DOCK7: variants seen among roughly 807,000 people sequenced by gnomAD.
The protein encoded by DOCK7 is dedicator of cytokinesis 7.
DOCK7 carries 138 observed loss-of-function variants against 271.0 expected under a neutral mutation model. That is an observed-to-expected ratio of 0.51 (90% CI 0.44 to 0.59). The LOEUF (loss-of-function observed/expected upper bound fraction) is 0.59. Ranked by LOEUF, DOCK7 falls within the 20% of genes least tolerant of loss-of-function variation. DOCK7 has a pLI of 0.00. For missense variants in DOCK7, 2,066 were observed against 2,592.4 expected (o/e 0.80, Z 4.41); for synonymous variants, 823 against 876.1 (o/e 0.94, Z 1.07).
At chr1:62,521,042 A>G (rs200759256) in intron 31 of DOCK7, among the ~76,000 whole-genome samples, 1 of 149,454 alleles carries the variant, frequency 6.7e-6, no homozygotes, top group East Asian at 2.1e-4. Context: ...CATAGGTGGG[A>G]GTCGAACAAT....
At chr1:62,459,352 G>A (rs1175315916) in intron 48 of DOCK7, among the ~76,000 whole-genome samples, 2 of 150,706 alleles carry the variant, frequency 1.3e-5, no homozygotes, top group Admixed American at 6.6e-5. Flanking sequence ...AGTGATTCTC[G>A]TATTTAGCCA....
rs1312342126 is a variant in DOCK7 at position 62,687,373 on chromosome 1, TCAATCACTTGCTTTACTTCAAGACTG to T, written c.38+828_38+853del. Among the ~76,000 whole-genome samples, 17 of 152,362 alleles carry T rather than the reference TCAATCACTTGCTTTACTTCAAGACTG, an allele frequency of 1.1e-4. No individual in the cohort carries two copies. In the South Asian group the frequency reaches 2.5e-3, roughly 22 times the overall value. On this transcript the variant is annotated intron_variant, in intron 1 of 49. Coordinates refer to ENST00000635253, the MANE Select transcript of DOCK7 (RefSeq NM_001367561.1). ...GGTGAAAGGCTTTGAAACCTCCACC[TCAATCACTTGCTTTACTTCAAGACTG>T]CAATCACTTGCTTTACTTCAAGACT...
At chr1:62,604,943 ACTGT>A (rs1249049442) in intron 14 of DOCK7, 5 of 964,022 alleles carry the variant, frequency 5.2e-6, no homozygotes, top group Admixed American at 2.2e-5. Context: ...TCTTAAAGTC[ACTGT>A]CTATTTAAGA....
chr1:62,649,982 GCTCACAC>G (rs1344149116), intron 4 of DOCK7, among the ~76,000 whole-genome samples: 1 of 152,160 alleles, frequency 6.6e-6, no homozygotes, highest in Non-Finnish European at 1.5e-5. Flanking sequence ...GAGCATGGTG[GCTCACAC>G]CTGTAATCCC....
intron 37 of DOCK7, among the ~76,000 whole-genome samples, chr1:62,499,374 G>A (rs1646713852): frequency 6.6e-6 from 1 of 152,078 alleles, no homozygotes; most frequent in African/African-American, 2.4e-5. Flanking sequence ...AATAAAAGAT[G>A]GGGGAATAGA....
chr1:62,491,900 T>C (rs1646477250), intron 41 of DOCK7, among the ~76,000 whole-genome samples: 1 of 152,166 alleles, frequency 6.6e-6, no homozygotes, highest in East Asian at 1.9e-4. Context: ...TGCTGGTTAA[T>C]AAACAAGCAA....
chr1:62,643,293 A>C (rs1363179050), intron 7 of DOCK7, among the ~76,000 whole-genome samples: 2 of 152,260 alleles, frequency 1.3e-5, no homozygotes, highest in African/African-American at 4.8e-5. Context: ...GAAATACTGA[A>C]CATTTGTTTT....
At chr1:62,592,385 G>A (rs978769090) in intron 14 of DOCK7, among the ~76,000 whole-genome samples, 2 of 152,000 alleles carry the variant, frequency 1.3e-5, no homozygotes, top group African/African-American at 4.8e-5. Context: ...AATACTAGAA[G>A]AGCTTTAAAG....
intron 22 of DOCK7, among the ~76,000 whole-genome samples, chr1:62,548,166 A>G (rs1248717545): frequency 6.6e-6 from 1 of 152,046 alleles, no homozygotes. Context: ...AAAAATCAAC[A>G]TAAGAATAAT....
intron 35 of DOCK7, among the ~76,000 whole-genome samples, chr1:62,506,140 G>C (rs1010505318): frequency 1.3e-5 from 2 of 152,072 alleles, no homozygotes; most frequent in East Asian, 3.9e-4. Context: ...AAAATAACTA[G>C]AGATAAGGCT....
At chr1:62,466,449 CA>C (rs1645680475) in intron 48 of DOCK7, among the ~76,000 whole-genome samples, 1 of 152,108 alleles carries the variant, frequency 6.6e-6, no homozygotes. Flanking sequence ...GGTTGAACAA[CA>C]AAAAGGTCTG....
intron 31 of DOCK7, among the ~76,000 whole-genome samples, chr1:62,519,332 A>C (rs1352873934): frequency 6.6e-6 from 1 of 152,190 alleles, no homozygotes; most frequent in Non-Finnish European, 1.5e-5. Flanking sequence ...AATACATGAG[A>C]TATTTACAAA....
intron 1 of DOCK7, among the ~76,000 whole-genome samples, chr1:62,685,033 A>G (rs954333107): frequency 3.9e-5 from 6 of 152,244 alleles, no homozygotes; most frequent in Non-Finnish European, 7.3e-5. Context: ...CAAATTTCAT[A>G]TACGAACACT....
chr1:62,563,580 A>G (rs1179622813), intron 18 of DOCK7, among the ~76,000 whole-genome samples: 20 of 152,176 alleles, frequency 1.3e-4, no homozygotes, highest in Non-Finnish European at 1.5e-5. Flanking sequence ...TGGTTTTATC[A>G]TTTTTTATCA....
At position 62,513,797 on chromosome 1, in the gene DOCK7, C is replaced by T. The variant is rs776572591; in HGVS notation, c.4038G>A (p.Lys1346=). ...GCAAGACTGAGAGATCTGTAAACCA[C>T]TTCTGTAGAACTGTTTCATCTGCAT... ...LKNADETVLQ[K]WFTDLSVLQL... The change falls in exon 32 of 50, where the codon AAG becomes AAA. Residue 1346 remains lysine (K), a synonymous_variant. Coordinates refer to ENST00000635253, the MANE Select transcript of DOCK7 (RefSeq NM_001367561.1). 1.9e-6 allele frequency: 3 copies of T among 1,614,126 alleles called. No individual in the cohort carries two copies. Among genetic ancestry groups the T allele is most frequent in the Non-Finnish European group, 1.7e-6 (2 of 1,180,008 alleles).
intron 2 of DOCK7, among the ~76,000 whole-genome samples, chr1:62,658,447 G>A (rs60461373): frequency 1.1e-3 from 168 of 152,154 alleles, no homozygotes; most frequent in African/African-American, 4.0e-3. Context: ...GGGACAGAGC[G>A]AGACTCAGTC....
At chr1:62,652,684 T>G (rs1164902185) in intron 4 of DOCK7, among the ~76,000 whole-genome samples, 1 of 152,212 alleles carries the variant, frequency 6.6e-6, no homozygotes, top group Non-Finnish European at 1.5e-5. Flanking sequence ...ATTTTACAAC[T>G]AACCTTTTTA....
At chr1:62,490,602 C>T (rs1646436675) in intron 41 of DOCK7, among the ~76,000 whole-genome samples, 1 of 151,986 alleles carries the variant, frequency 6.6e-6, no homozygotes, top group Admixed American at 6.6e-5. Context: ...TTTAGTGTAA[C>T]TAAAATGCTC....
chr1:62,652,884 C>T (rs1016883165), intron 4 of DOCK7, among the ~76,000 whole-genome samples: 1 of 152,100 alleles, frequency 6.6e-6, no homozygotes, highest in Non-Finnish European at 1.5e-5. Flanking sequence ...TTAGGTCACA[C>T]TGAAACTAAA....
Sources: gnomAD v4.1 joint callset for allele counts (sites outside exome capture counted in the v4.1 genomes callset) on GRCh38, gnomAD v4.1.1 for gene constraint, MANE v1.5 for transcripts, NCBI Gene and HGNC (gene_info 2026-07-23, HGNC 2026-07-21) for gene names.